Variants in DOK6 observed in about 807,000 individuals in gnomAD.
DOK6 encodes docking protein 6, also known as downstream of tyrosine kinase 6.
In DOK6, 22 loss-of-function variants were observed where a neutral mutation model predicts 44.0. That is an observed-to-expected ratio of 0.50 (90% CI 0.36 to 0.71). DOK6 has a LOEUF of 0.71. Ranked by LOEUF, DOK6 falls within the 30% of genes least tolerant of loss-of-function variation. The pLI, the probability that DOK6 is intolerant of heterozygous loss-of-function variation, is 0.00. For synonymous variants in DOK6, 166 were observed against 145.5 expected (o/e 1.14, Z -1.01); for missense variants, 340 against 416.4 (o/e 0.82, Z 1.60).
chr18:69,426,978 G>T (rs913465210), intron 1 of DOK6, among the ~76,000 whole-genome samples: 2 of 151,118 alleles, frequency 1.3e-5, no homozygotes, highest in African/African-American at 4.9e-5. Flanking sequence ...TATTTTTCCT[G>T]ATCCTCTCTC....
chr18:69,704,529 A>AGTG (rs987458885), intron 5 of DOK6, among the ~76,000 whole-genome samples: 1 of 127,738 alleles, frequency 7.8e-6, no homozygotes, highest in African/African-American at 3.1e-5. Flanking sequence ...CCCAGGCTGG[A>AGTG]GTGCAGTGGC....
chr18:69,440,649 C>A (rs1979111124), intron 1 of DOK6, among the ~76,000 whole-genome samples: 1 of 152,044 alleles, frequency 6.6e-6, no homozygotes, highest in Admixed American at 6.6e-5. Flanking sequence ...CCACTGTCCT[C>A]TAGCATTTAT....
intron 1 of DOK6, among the ~76,000 whole-genome samples, chr18:69,430,519 C>T (rs538055449): frequency 2.0e-5 from 3 of 152,128 alleles, no homozygotes; most frequent in African/African-American, 7.2e-5. Context: ...AAAATCTCCC[C>T]CGCTTCCTCA....
At chr18:69,541,704 T>C (rs1408981721) in intron 1 of DOK6, among the ~76,000 whole-genome samples, 1 of 151,434 alleles carries the variant, frequency 6.6e-6, no homozygotes, top group Non-Finnish European at 1.5e-5. Flanking sequence ...GAAACTTCTA[T>C]ATGCTGATTT....
intron 3 of DOK6, among the ~76,000 whole-genome samples, chr18:69,628,146 T>C (rs1194285944): frequency 6.6e-6 from 1 of 152,218 alleles, no homozygotes; most frequent in Non-Finnish European, 1.5e-5. Flanking sequence ...AACCATTCAT[T>C]TTTTGCAAGG....
chr18:69,555,816 A>G (rs761023835), intron 1 of DOK6, among the ~76,000 whole-genome samples: 1 of 152,186 alleles, frequency 6.6e-6, no homozygotes, highest in Non-Finnish European at 1.5e-5. Flanking sequence ...TATTTAATCA[A>G]TTTGATAAAT....
At chr18:69,718,558 G>A (rs980573981) in intron 5 of DOK6, among the ~76,000 whole-genome samples, 5 of 152,096 alleles carry the variant, frequency 3.3e-5, no homozygotes, top group African/African-American at 1.2e-4. Flanking sequence ...CAGAGAAATT[G>A]TTTCTCTACC....
intron 5 of DOK6, among the ~76,000 whole-genome samples, chr18:69,708,211 G>C (rs1986678069): frequency 6.6e-6 from 1 of 152,088 alleles, no homozygotes; most frequent in Non-Finnish European, 1.5e-5. Context: ...TGTCTATCTG[G>C]TGACTCTGTG....
chr18:69,418,094 G>A lies in DOK6; in HGVS notation c.66+16784G>A, dbSNP rs1286771060. Among the ~76,000 whole-genome samples the A allele has an allele frequency of 2.6e-5, 4 of 152,052 alleles. 1 individual carries two copies. In the South Asian group the frequency reaches 6.2e-4, roughly 24 times the overall value. On this transcript the variant is annotated intron_variant, in intron 1 of 7. Transcript: ENST00000382713. ...CCATTTGCCCATTTTTGCTTTGGTTGTCTGCTTTTGAGGCCTTACTCAAGA... is the reference window on the plus strand; with the variant it reads ...CCATTTGCCCATTTTTGCTTTGGTTATCTGCTTTTGAGGCCTTACTCAAGA...
At chr18:69,667,663 T>C (rs1985694449) in intron 3 of DOK6, among the ~76,000 whole-genome samples, 2 of 152,230 alleles carry the variant, frequency 1.3e-5, no homozygotes, top group Admixed American at 1.3e-4. Context: ...TGTTCTTGGC[T>C]TTCAGCATAT....
intron 7 of DOK6, among the ~76,000 whole-genome samples, chr18:69,833,181 A>T (rs531613109): frequency 6.6e-6 from 1 of 152,302 alleles, no homozygotes; most frequent in East Asian, 1.9e-4. Context: ...ATGGTATAGT[A>T]ACAAAAACAG....
rs1384623471 is a variant in DOK6 at position 69,606,312 on chromosome 18, AT to A, written c.289+6815del. 5.2e-5 allele frequency among the ~76,000 whole-genome samples: 5 copies of A among 96,708 alleles called. No homozygotes were observed. In the East Asian group the frequency reaches 1.1e-3, roughly 22 times the overall value. The allele number at this position is 96,708 out of a possible 152,430, so 63.4% of individuals were successfully genotyped here. Reference sequence around the variant, plus strand: ...AATAAATAAATAAATAAATAAATAAATAAATAAATAAATAAAATTCCCAAGG... The same window carrying A: ...AATAAATAAATAAATAAATAAATAAAAAATAAATAAATAAAATTCCCAAGG... On this transcript the variant is annotated intron_variant, in intron 3 of 7. Transcript: ENST00000382713.
chr18:69,539,032 G>A (rs1433367955), intron 1 of DOK6, among the ~76,000 whole-genome samples: 1 of 152,188 alleles, frequency 6.6e-6, no homozygotes, highest in African/African-American at 2.4e-5. Context: ...AACATAAACA[G>A]AAGTCGTGTA....
intron 5 of DOK6, among the ~76,000 whole-genome samples, chr18:69,736,410 T>C (rs1469386897): frequency 1.3e-5 from 2 of 152,084 alleles, no homozygotes; most frequent in Admixed American, 6.6e-5. Flanking sequence ...TCCTCAGAGC[T>C]GAAAGAAACC....
chr18:69,475,321 C>T (rs765293430), intron 1 of DOK6, among the ~76,000 whole-genome samples: 3 of 152,098 alleles, frequency 2.0e-5, no homozygotes, highest in Non-Finnish European at 4.4e-5. Context: ...TGCAGTAACA[C>T]TGAGTATTAG....
chr18:69,654,602 A>G (rs905663142), intron 3 of DOK6, among the ~76,000 whole-genome samples: 8 of 152,248 alleles, frequency 5.3e-5, no homozygotes, highest in African/African-American at 1.9e-4. Context: ...TGTCATCCAA[A>G]TGAAGGCTTG....
chr18:69,452,398 A>T (rs1368820098), intron 1 of DOK6, among the ~76,000 whole-genome samples: 1 of 141,726 alleles, frequency 7.1e-6, no homozygotes, highest in African/African-American at 2.7e-5. Context: ...CAATAACAGG[A>T]GCTGAAATTG....
chr18:69,458,963 G>A (rs1599141115), intron 1 of DOK6, among the ~76,000 whole-genome samples: 1 of 151,956 alleles, frequency 6.6e-6, no homozygotes, highest in East Asian at 1.9e-4. Flanking sequence ...GAGTGTGGTG[G>A]CAGGTGCCTG....
At chr18:69,486,013 T>C (rs1980567546) in intron 1 of DOK6, among the ~76,000 whole-genome samples, 1 of 151,918 alleles carries the variant, frequency 6.6e-6, no homozygotes, top group African/African-American at 2.4e-5. Flanking sequence ...ACTCATTCTC[T>C]TTTGGTCTAT....
Sources: allele counts gnomAD v4.1 joint callset (sites outside exome capture counted in the v4.1 genomes callset), GRCh38; gene constraint gnomAD v4.1.1; transcripts MANE v1.5; gene names NCBI Gene and HGNC (gene_info 2026-07-23, HGNC 2026-07-21).